Variants in MADCAM1 observed in about 807,000 individuals in gnomAD.
MADCAM1 encodes mucosal vascular addressin cell adhesion molecule 1, also known as mucosal addressin cell adhesion molecule 1.
MADCAM1 carries 19 observed loss-of-function variants against 26.1 expected under a neutral mutation model. That is an observed-to-expected ratio of 0.73 (90% confidence interval 0.51 to 1.07). The LOEUF is 1.07. Among genes scored for constraint, MADCAM1 ranks in the 50% least tolerant of loss-of-function variants. The pLI is 0.00. For missense variants in MADCAM1, 514 were observed against 542.1 expected, an observed-to-expected ratio of 0.95 and a Z score of 0.51; for synonymous variants, 268 against 260.9, an observed-to-expected ratio of 1.03 and a Z score of -0.26.
intron 3 of MADCAM1, chr19:499,064 A>G (rs568264144): frequency 2.4e-5 from 17 of 718,918 alleles, no homozygotes; most frequent in Non-Finnish European, 3.9e-5. Context: ...CCTTGGGGTC[A>G]AAGCCCAAGT....
At chr19:500,049 A>C in intron 3 of MADCAM1, 1 of 454,996 alleles carries the variant, frequency 2.2e-6, no homozygotes, top group Non-Finnish European at 4.4e-6. Flanking sequence ...ATTTTACAGA[A>C]CACGGGCCCT....
intron 1 of MADCAM1, 31 bp from the exon 2 acceptor site, chr19:497,802 C>T: frequency 1.6e-6 from 2 of 1,262,434 alleles, no homozygotes; most frequent in Non-Finnish European, 2.0e-6. Flanking sequence ...CGGGACTCCG[C>T]GGGGCTGAGC....
At chr19:502,969 G>A (rs1164967322) in intron 4 of MADCAM1, among the ~76,000 whole-genome samples, 2 of 152,228 alleles carry the variant, frequency 1.3e-5, no homozygotes. Context: ...AAATAAGGAA[G>A]GGGCATAAGC....
chr19:503,145 T>A lies in MADCAM1; in HGVS notation c.928+1216T>A, dbSNP rs532961808. 1.4e-4 allele frequency among the ~76,000 whole-genome samples: 21 copies of A among 152,346 alleles called. No individual in the cohort carries two copies. In the East Asian group the frequency reaches 3.9e-3, roughly 28 times the overall value. On this transcript the variant is annotated intron_variant, in intron 4 of 4. Coordinates refer to ENST00000215637, the MANE Select transcript of MADCAM1 (RefSeq NM_130760.3). ...TTTATTTGTAAATCAAGACGAGCTTTGAAGAGGAACTTTTCTACTTCCTAC... is the reference window on the plus strand; with the variant it reads ...TTTATTTGTAAATCAAGACGAGCTTAGAAGAGGAACTTTTCTACTTCCTAC...
Position 505,012 on chromosome 19 carries a change from C to A in MADCAM1, c.*47C>A. ...GAAAGCAAAATAGCTTGGACCCCTTCAAGTTGAGAACTGGTCAGGGCAAAC... is the reference window on the plus strand; with the variant it reads ...GAAAGCAAAATAGCTTGGACCCCTTAAAGTTGAGAACTGGTCAGGGCAAAC... On this transcript the variant is annotated 3_prime_UTR_variant, in exon 5 of 5. Transcript: ENST00000215637. 7.0e-7 allele frequency: 1 copy of A among 1,437,694 alleles called. No individual in the cohort carries two copies. Among genetic ancestry groups the A allele is most frequent in the Non-Finnish European group, 9.4e-7 (1 of 1,060,918 alleles). 89.1% of individuals were successfully genotyped at this position (1,437,694 alleles called of 1,614,324 possible).
rs761745513 is a variant in MADCAM1 at position 498,720 on chromosome 19, CGCT to C, written c.564_566del (p.Trp189del). The C allele has an allele frequency of 4.1e-6, 6 of 1,457,580 alleles. No homozygotes were observed. The highest frequency in any genetic ancestry group is 5.4e-6 in the Non-Finnish European group (6 of 1,109,972). 90.3% of individuals were successfully genotyped at this position (1,457,580 alleles called of 1,614,324 possible). On this transcript the variant is annotated inframe_deletion, in exon 3 of 5. Coordinates refer to ENST00000215637, the MANE Select transcript of MADCAM1 (RefSeq NM_130760.3). ...GGACGTGCTGTTCAGGGTGACAGAG[CGCT>C]GGCGGCTGCCGCCCCTGGGGACCCC...
intron 3 of MADCAM1, chr19:499,173 GGCCTCCTC>G (rs991901488): frequency 1.9e-6 from 1 of 529,578 alleles, no homozygotes; most frequent in African/African-American, 1.9e-5. Context: ...CAGCCACACG[GGCCTCCTC>G]GCCTCCTCGC....
rs757513312 is a variant in MADCAM1 at position 497,941 on chromosome 19, G to A, written c.161G>A (p.Arg54His). 1.7e-5 allele frequency: 25 copies of A among 1,429,566 alleles called. 1 individual carries two copies. The East Asian group carries it at 2.7e-4, about 15-fold the overall frequency. The allele number at this position is 1,429,566 out of a possible 1,614,324, so 88.6% of individuals were successfully genotyped here. Residue 54 changes from arginine to histidine, a missense_variant, in exon 2 of 5, where the codon CGC becomes CAC. By Grantham distance (29) the Arg-to-His change is conservative. Around this residue, in one of 3 missense-constraint regions of MADCAM1, gnomAD observed 317 missense variants for 313.6 expected, o/e 1.01. Coordinates refer to ENST00000215637, the MANE Select transcript of MADCAM1 (RefSeq NM_130760.3). The part of the protein sequence containing the change: ...QLTCRLACAD[R>H]GASVQWRGLD... Reference sequence around the variant, plus strand: ...ACCTGCCGCCTGGCCTGCGCGGACCGCGGGGCCTCGGTGCAGTGGCGGGGC... The same window carrying A: ...ACCTGCCGCCTGGCCTGCGCGGACCACGGGGCCTCGGTGCAGTGGCGGGGC...
chr19:498,718 A>C lies in MADCAM1; in HGVS notation c.560A>C (p.Glu187Ala), dbSNP rs535573500. Reference sequence around the variant, plus strand: ...GAGGACGTGCTGTTCAGGGTGACAGAGCGCTGGCGGCTGCCGCCCCTGGGG... The same window carrying C: ...GAGGACGTGCTGTTCAGGGTGACAGCGCGCTGGCGGCTGCCGCCCCTGGGG... The part of the protein sequence containing the change: ...GDEDVLFRVT[E>A]RWRLPPLGTP... Residue 187 changes from glutamate to alanine, a missense_variant, in exon 3 of 5, where the codon GAG becomes GCG. Coordinates refer to ENST00000215637, the MANE Select transcript of MADCAM1 (RefSeq NM_130760.3). 949 of 1,457,156 alleles carry C rather than the reference A, an allele frequency of 6.5e-4. 19 individuals are homozygous for C. In the South Asian group the frequency reaches 0.013, roughly 20 times the overall value. The allele number at this position is 1,457,156 out of a possible 1,614,324, so 90.3% of individuals were successfully genotyped here.
intron 4 of MADCAM1, among the ~76,000 whole-genome samples, chr19:502,760 A>G (rs1039450002): frequency 1.3e-5 from 2 of 152,254 alleles, no homozygotes; most frequent in Non-Finnish European, 2.9e-5. Context: ...AAGGAAAAGC[A>G]GACATATTTA....
intron 4 of MADCAM1, among the ~76,000 whole-genome samples, chr19:503,728 G>A (rs1393191124): frequency 2.6e-5 from 4 of 151,688 alleles, no homozygotes; most frequent in African/African-American, 9.7e-5. Context: ...ATCACACCTG[G>A]GTGACAGAGC....
chr19:504,055 G>GAA (rs764646238), intron 4 of MADCAM1, among the ~76,000 whole-genome samples: 4 of 122,776 alleles, frequency 3.3e-5, no homozygotes, highest in East Asian at 2.3e-4. Flanking sequence ...ATTCCATTTC[G>GAA]AAAAAAAAAA....
At position 504,989 on chromosome 19, in the gene MADCAM1, A is replaced by G; in HGVS notation, c.*24A>G. On this transcript the variant is annotated 3_prime_UTR_variant, in exon 5 of 5. Transcript: ENST00000215637. ...GAGTGGCCAGCCTTTCCCCCTGTGA[A>G]AGCAAAATAGCTTGGACCCCTTCAA... 1.3e-6 allele frequency: 2 copies of G among 1,547,276 alleles called. No homozygotes were observed. The highest frequency in any genetic ancestry group is 1.8e-6 in the Non-Finnish European group (2 of 1,136,670).
intron 3 of MADCAM1, chr19:500,012 G>GGGGGC: frequency 4.5e-6 from 2 of 440,724 alleles, no homozygotes; most frequent in Non-Finnish European, 4.5e-6. Context: ...GCTGGGGTGG[G>GGGGGC]CAGAGAGGAG....
chr19:504,703 C>A (rs1378096587), intron 4 of MADCAM1, 42 bp from the exon 5 acceptor site: 1 of 1,451,614 alleles, frequency 6.9e-7, no homozygotes. Context: ...CCTGCAGAGG[C>A]CTGGAGGGCT....
Position 501,880 on chromosome 19 carries a change from T to A in MADCAM1, c.879T>A (p.Pro293=). Reference sequence around the variant, plus strand: ...CAGGCTCCACCAGGACTCGCCGCCCTGAGATCTCCCAGGCTGGGCCCACGC... The same window carrying A: ...CAGGCTCCACCAGGACTCGCCGCCCAGAGATCTCCCAGGCTGGGCCCACGC... ...RSPGSTRTRR[P]EISQAGPTQG... is the part of the protein sequence containing the mutation. The change falls in exon 4 of 5, where the codon CCT becomes CCA. Residue 293 remains proline (P), a synonymous_variant. Coordinates refer to ENST00000215637, the MANE Select transcript of MADCAM1 (RefSeq NM_130760.3). 6.4e-7 allele frequency: 1 copy of A among 1,557,994 alleles called. No individual in the cohort carries two copies. Among genetic ancestry groups the A allele is most frequent in the Non-Finnish European group, 8.7e-7 (1 of 1,152,058 alleles).
In MADCAM1 at chr19:498,788, G is replaced by A. The variant is rs1276420890; in HGVS notation, c.630G>A (p.Leu210=). The A allele has an allele frequency of 2.0e-6, 3 of 1,505,924 alleles. No individual in the cohort carries two copies. The highest frequency in any genetic ancestry group is 1.3e-5 in the South Asian group (1 of 79,912). 93.3% of individuals were successfully genotyped at this position (1,505,924 alleles called of 1,614,324 possible). The change falls in exon 3 of 5, where the codon CTG becomes CTA. Residue 210 remains leucine, a synonymous_variant. Coordinates refer to ENST00000215637, the MANE Select transcript of MADCAM1 (RefSeq NM_130760.3). ...TCTACTGCCAGGCCACGATGAGGCTGCCTGGCTTGGAGCTCAGCCACCGCC... is the reference window on the plus strand; with the variant it reads ...TCTACTGCCAGGCCACGATGAGGCTACCTGGCTTGGAGCTCAGCCACCGCC... The part of the protein sequence containing the change: ...PALYCQATMR[L]PGLELSHRQA...
At chr19:498,973 G>A (rs73505423) in intron 3 of MADCAM1, 148 bp downstream of exon 3, 90,072 of 1,191,610 alleles carry the variant, frequency 0.076, 5,742 homozygotes, top group East Asian at 0.27. Flanking sequence ...GACATTCATC[G>A]ACGCAACATG....
Position 505,107 on chromosome 19 carries a change from G to T in MADCAM1, c.*142G>T. ...GGATGCATGTTCTGATTGCCTCTTT[G>T]GAGAAGCTCATCAGAAACTCAAAAG... is the stretch of plus-strand genomic sequence containing the variant. On this transcript the variant is annotated 3_prime_UTR_variant, in exon 5 of 5. Coordinates refer to ENST00000215637, the MANE Select transcript of MADCAM1 (RefSeq NM_130760.3). 1.7e-6 allele frequency: 1 copy of T among 595,974 alleles called. No homozygotes were observed. The allele number at this position is 595,974 out of a possible 1,614,324, so 36.9% of individuals were successfully genotyped here.
Sources: gnomAD v4.1 joint callset for allele counts (sites outside exome capture counted in the v4.1 genomes callset) on GRCh38, gnomAD v4.1.1 for gene constraint, gnomAD v4.1.1 regional missense constraint, MANE v1.5 for transcripts, NCBI Gene and HGNC (gene_info 2026-07-23, HGNC 2026-07-21) for gene names.